Variants in PRKAA1 observed in about 807,000 individuals in gnomAD.
The protein encoded by PRKAA1 is protein kinase AMP-activated catalytic subunit alpha 1, also known as 5'-AMP-activated protein kinase catalytic subunit alpha-1.
A neutral mutation model predicts 56.9 loss-of-function variants in PRKAA1; 23 were observed. That is an observed-to-expected ratio of 0.40 (90% CI 0.29 to 0.57). The LOEUF (loss-of-function observed/expected upper bound fraction) is 0.57, where lower values mean the gene tolerates loss of function less well. PRKAA1 is among the 20% of genes least tolerant of loss of function. PRKAA1 has a pLI of 0.39. For synonymous variants in PRKAA1, 226 were observed against 227.0 expected (o/e 1.00, Z 0.04); for missense variants, 413 against 679.7 (o/e 0.61, Z 4.36).
chr5:40,786,750 G>A (rs1744502823), intron 1 of PRKAA1, among the ~76,000 whole-genome samples: 1 of 137,792 alleles, frequency 7.3e-6, no homozygotes, highest in Non-Finnish European at 1.5e-5. Flanking sequence ...AAACTGGCCT[G>A]GCCAACATGG....
At chr5:40,774,966 C>G (rs1180310617) in intron 3 of PRKAA1, 1 of 1,604,178 alleles carries the variant, frequency 6.2e-7, no homozygotes, top group Admixed American at 1.7e-5. Flanking sequence ...CCAGGTACAT[C>G]AGATTTCTGA....
intron 1 of PRKAA1, among the ~76,000 whole-genome samples, chr5:40,778,955 C>G (rs1744146033): frequency 1.3e-5 from 2 of 151,274 alleles, no homozygotes; most frequent in African/African-American, 4.9e-5. Flanking sequence ...CCCACCACAC[C>G]CAGATAATTT....
At chr5:40,770,528 T>C (rs1743688206) in intron 4 of PRKAA1, among the ~76,000 whole-genome samples, 1 of 151,942 alleles carries the variant, frequency 6.6e-6, no homozygotes, top group Admixed American at 6.6e-5. Context: ...AAAGAAGAGA[T>C]TCCTTTTTCT....
intron 1 of PRKAA1, among the ~76,000 whole-genome samples, chr5:40,778,209 A>C (rs1744105730): frequency 6.6e-6 from 1 of 152,212 alleles, no homozygotes; most frequent in African/African-American, 2.4e-5. Context: ...AGATTGCACC[A>C]CTGCACTCCA....
Position 40,798,095 on chromosome 5 carries a change from G to T in PRKAA1, c.95C>A (p.Thr32Lys). ...TTTGCCGAAGGTGCCGACCCCCAGC[G>T]TGTCACCCAGAATGTAGTGGCCGAT... is the stretch of plus-strand genomic sequence containing the variant. ...VKIGHYILGDTLGVGTFGKVK... is the reference protein window; with the variant it reads ...VKIGHYILGDKLGVGTFGKVK... Residue 32 changes from threonine to lysine, a missense_variant, in exon 1 of 9, where the codon ACG becomes AAG. By Grantham distance (78) the Thr-to-Lys change is moderately conservative (BLOSUM62 -1). Transcript: ENST00000397128. 1 of 1,608,944 alleles carries T rather than the reference G, an allele frequency of 6.2e-7. No individual in the cohort carries two copies. Among genetic ancestry groups the T allele is most frequent in the South Asian group, 1.1e-5 (1 of 90,962 alleles).
chr5:40,793,933 C>T (rs1205368654), intron 1 of PRKAA1, among the ~76,000 whole-genome samples: 2 of 152,114 alleles, frequency 1.3e-5, no homozygotes, highest in Non-Finnish European at 2.9e-5. Flanking sequence ...GAAACCCCAT[C>T]TCTACTAAAA....
chr5:40,770,451 ACT>A (rs1049290431), intron 4 of PRKAA1, among the ~76,000 whole-genome samples: 5 of 151,920 alleles, frequency 3.3e-5, no homozygotes, highest in Non-Finnish European at 5.9e-5. Flanking sequence ...ACAGAGTGAA[ACT>A]CTGTCTCAAA....
chr5:40,792,811 C>G (rs1452508327), intron 1 of PRKAA1, among the ~76,000 whole-genome samples: 1 of 152,022 alleles, frequency 6.6e-6, no homozygotes, highest in Non-Finnish European at 1.5e-5. Context: ...GCCTGTAATC[C>G]CAGCACTGTG....
Position 40,777,606 on chromosome 5 carries a change from A to G in PRKAA1, c.128-20T>C, listed in dbSNP as rs1744072090. The G allele has an allele frequency of 1.3e-6, 2 of 1,579,888 alleles. No individual in the cohort carries two copies. Among genetic ancestry groups the G allele is most frequent in the South Asian group, 2.2e-5 (2 of 89,054 alleles). Reference sequence around the variant, plus strand: ...TGCCAACTGTAAAAGAAGTAATTTAATAAATTAGTACTAAGTATGATTAAT... The same window carrying G: ...TGCCAACTGTAAAAGAAGTAATTTAGTAAATTAGTACTAAGTATGATTAAT... On this transcript the variant is annotated intron_variant, in intron 1 of 8. Transcript: ENST00000397128.
chr5:40,788,901 T>A lies in PRKAA1; in HGVS notation c.127+9162A>T, dbSNP rs139019094. ...AAGACTGAGAAAACGTATTTACAAATCATGCATCAGATATATAGCTAATAT... is the reference window on the plus strand; with the variant it reads ...AAGACTGAGAAAACGTATTTACAAAACATGCATCAGATATATAGCTAATAT... On this transcript the variant is annotated intron_variant, in intron 1 of 8. Coordinates refer to ENST00000397128, the MANE Select transcript of PRKAA1 (RefSeq NM_006251.6). Among the ~76,000 whole-genome samples the A allele has an allele frequency of 4.5e-4, 68 of 151,826 alleles. No homozygotes were observed. The East Asian group carries it at 0.012, about 26-fold the overall frequency.
intron 1 of PRKAA1, among the ~76,000 whole-genome samples, chr5:40,786,424 T>C (rs927051821): frequency 3.3e-5 from 5 of 152,038 alleles, no homozygotes; most frequent in Non-Finnish European, 2.9e-5. Context: ...TGTGGCATTG[T>C]TACGGCAGCC....
chr5:40,770,424 C>CCACTG (rs70988807), intron 4 of PRKAA1, among the ~76,000 whole-genome samples: 69,510 of 150,922 alleles, frequency 0.46, 16,143 homozygotes, highest in African/African-American at 0.53. Flanking sequence ...CGAGATCGTA[C>CCACTG]CACTCCAGCC....
chr5:40,772,624 G>A (rs1035870838), intron 3 of PRKAA1, among the ~76,000 whole-genome samples: 6 of 151,094 alleles, frequency 4.0e-5, no homozygotes, highest in African/African-American at 1.5e-4. Flanking sequence ...TTTTTGGGGG[G>A]GCGGGGTTTT....
intron 1 of PRKAA1, among the ~76,000 whole-genome samples, chr5:40,794,421 T>A (rs754450349): frequency 6.6e-6 from 1 of 152,212 alleles, no homozygotes; most frequent in Non-Finnish European, 1.5e-5. Context: ...TTAGGAAGAT[T>A]TTCTCCCACT....
At chr5:40,768,761 T>G in intron 5 of PRKAA1, 9 of 1,333,174 alleles carry the variant, frequency 6.8e-6, no homozygotes, top group Non-Finnish European at 8.6e-6. Flanking sequence ...TCTAGCAAAC[T>G]TCAGCTTCTG....
chr5:40,792,422 C>G (rs1213950862), intron 1 of PRKAA1, among the ~76,000 whole-genome samples: 2 of 152,142 alleles, frequency 1.3e-5, no homozygotes, highest in African/African-American at 4.8e-5. Flanking sequence ...TTATTTCATA[C>G]ACGAGTACAT....
rs1193026278 is a variant in PRKAA1, at chr5:40,760,100, TAA to T, written c.*2676_*2677del. ...AAAATATAAACTGCTGAAAAGATAATAAAAAAAGATTAAAAATCATTTGCATT... is the reference window on the plus strand; with the variant it reads ...AAAATATAAACTGCTGAAAAGATAATAAAAAGATTAAAAATCATTTGCATT... On this transcript the variant is annotated 3_prime_UTR_variant, in exon 9 of 9. Coordinates refer to ENST00000397128, the MANE Select transcript of PRKAA1 (RefSeq NM_006251.6). 6.6e-6 allele frequency: 1 copy of T among 152,654 alleles called. No individual in the cohort carries two copies. The highest frequency in any genetic ancestry group is 2.1e-4 in the South Asian group (1 of 4,834). 9.5% of individuals were successfully genotyped at this position (152,654 alleles called of 1,614,324 possible).
At chr5:40,767,399 T>C in intron 6 of PRKAA1, 67 bp downstream of exon 6, 1 of 1,389,968 alleles carries the variant, frequency 7.2e-7, no homozygotes, top group South Asian at 1.3e-5. Context: ...TCTGCAACTT[T>C]TTTTTTTTCA....
intron 3 of PRKAA1, among the ~76,000 whole-genome samples, chr5:40,772,602 G>GT (rs1561172951): frequency 6.6e-6 from 1 of 150,426 alleles, no homozygotes; most frequent in African/African-American, 2.4e-5. Flanking sequence ...TTTCATTTTT[G>GT]TTTTTTGTGT....
Sources: gnomAD v4.1 joint callset for allele counts (sites outside exome capture counted in the v4.1 genomes callset) on GRCh38, gnomAD v4.1.1 for gene constraint, MANE v1.5 for transcripts, NCBI Gene and HGNC (gene_info 2026-07-23, HGNC 2026-07-21) for gene names.